The following DSG1 variants were observed in gnomAD, a reference collection of about 807,000 sequenced individuals.
DSG1 encodes the protein desmoglein-1.
DSG1 carries 39 observed loss-of-function variants against 97.5 expected under a neutral mutation model. The observed-to-expected ratio is 0.40, with a 90% CI of 0.31 to 0.52. The LOEUF is 0.52. Among genes scored for constraint, DSG1 ranks in the 20% least tolerant of loss-of-function variants. DSG1 has a pLI of 0.53. For synonymous variants in DSG1, 475 were observed against 443.4 expected (o/e 1.07, Z -0.90); for missense variants, 1,311 against 1,295.4 (o/e 1.01, Z -0.18).
chr18:31,329,359 A>G (rs964618216), intron 4 of DSG1, among the ~76,000 whole-genome samples: 1 of 151,940 alleles, frequency 6.6e-6, no homozygotes, highest in Admixed American at 6.6e-5. Flanking sequence ...ATAATAATCG[A>G]TATTTGCAGT....
chr18:31,334,349 C>A, intron 8 of DSG1, 147 bp downstream of exon 8: 1 of 573,988 alleles, frequency 1.7e-6, no homozygotes, highest in Non-Finnish European at 3.1e-6. Flanking sequence ...TAACATAGAG[C>A]TTTTTAATAT....
rs1260928614 is a variant in DSG1, at chr18:31,358,796, A to G, written c.*3450A>G. 6.6e-6 allele frequency among the ~76,000 whole-genome samples: 1 copy of G among 151,936 alleles called. No homozygotes were observed. The highest frequency in any genetic ancestry group is 1.5e-5 in the Non-Finnish European group (1 of 67,922). ...TACAATTTCTGGATTTTTAAGACCC[A>G]TTTCACATTGCACTAGGATACAGCA... On this transcript the variant is annotated 3_prime_UTR_variant, in exon 15 of 15. Transcript: ENST00000257192.
intron 14 of DSG1, among the ~76,000 whole-genome samples, chr18:31,350,386 A>T: frequency 1.8e-5 from 2 of 109,696 alleles, no homozygotes; most frequent in Admixed American, 1.0e-4. Flanking sequence ...TTTATTGAGG[A>T]TTTTTGCATC....
At chr18:31,340,058 C>A in intron 11 of DSG1, 33 bp downstream of exon 11, 1 of 1,598,896 alleles carries the variant, frequency 6.3e-7, no homozygotes, top group Non-Finnish European at 8.5e-7. Flanking sequence ...GTATATGTGT[C>A]CCCCAAAAAA....
chr18:31,322,589 AC>A (rs1303982405), intron 1 of DSG1, among the ~76,000 whole-genome samples: 7 of 152,208 alleles, frequency 4.6e-5, no homozygotes, highest in Non-Finnish European at 8.8e-5. Context: ...TCAGACTGAT[AC>A]CCTTTGTCAG....
chr18:31,343,572 C>T lies in DSG1; in HGVS notation c.1810C>T (p.Pro604Ser). ...TTCATGGGCAGTAGAAGGACCACAG[C>T]CTGAACCCAGGGTAAGTGCCACATT... ...IHSWAVEGPQPEPRDITTVIP... is the reference protein window; with the variant it reads ...IHSWAVEGPQSEPRDITTVIP... The change falls in exon 12 of 15, where the codon CCT becomes TCT. Residue 604 changes from proline to serine, a missense_variant. Physicochemically the swap from Pro to Ser is moderately conservative, Grantham distance 74 (BLOSUM62 -1). Around this residue, in one of 3 missense-constraint regions of DSG1, gnomAD observed 1,038 missense variants for 964.6 expected, o/e 1.08. Coordinates refer to ENST00000257192, the MANE Select transcript of DSG1 (RefSeq NM_001942.4). 6.2e-7 allele frequency: 1 copy of T among 1,614,074 alleles called. No homozygotes were observed. The highest frequency in any genetic ancestry group is 8.5e-7 in the Non-Finnish European group (1 of 1,180,006).
At chr18:31,326,054 CATT>C (rs749835428) in intron 1 of DSG1, among the ~76,000 whole-genome samples, 42 of 151,808 alleles carry the variant, frequency 2.8e-4, no homozygotes, top group African/African-American at 1.0e-3. Flanking sequence ...ATAATAAAAA[CATT>C]ATCTTTTTAT....
intron 14 of DSG1, among the ~76,000 whole-genome samples, chr18:31,352,342 G>A (rs1277856016): frequency 7.9e-6 from 1 of 126,398 alleles, no homozygotes; most frequent in Non-Finnish European, 1.8e-5. Flanking sequence ...GAGATCTGCT[G>A]TTAGTCTGAT....
Position 31,354,639 on chromosome 18 carries a change from C to A in DSG1, c.2443C>A (p.Pro815Thr), listed in dbSNP as rs778980591. 2 of 1,614,166 alleles carry A rather than the reference C, an allele frequency of 1.2e-6. No homozygotes were observed. The highest frequency in any genetic ancestry group is 1.1e-5 in the South Asian group (1 of 91,084). Residue 815 changes from proline (P) to threonine (T), a missense_variant, in exon 15 of 15, where the codon CCC becomes ACC. By Grantham distance (38) the Pro-to-Thr change is conservative. Coordinates refer to ENST00000257192, the MANE Select transcript of DSG1 (RefSeq NM_001942.4). ...TTTVISESTYPSGPGVLHPKP... is the reference protein window; with the variant it reads ...TTTVISESTYTSGPGVLHPKP... ...CACAGTAATTTCTGAGAGCACCTAT[C>A]CCTCGGGACCTGGTGTACTGCATCC...
chr18:31,331,886 G>A lies in DSG1; in HGVS notation c.684+19G>A, dbSNP rs141092277. The A allele has an allele frequency of 3.8e-3, 6,185 of 1,608,780 alleles. 26 individuals are homozygous for A. The highest frequency in any genetic ancestry group is 4.3e-3 in the Non-Finnish European group (5,046 of 1,177,070). The stretch of plus-strand genomic sequence containing the variant: ...CAGAGAGGTAATTCTTTTTCTTTAA[G>A]TGGGTTTTTGGTCTCAAAGGAACTG... On this transcript the variant is annotated intron_variant, in intron 6 of 14. Coordinates refer to ENST00000257192, the MANE Select transcript of DSG1 (RefSeq NM_001942.4).
chr18:31,322,187 T>A (rs979968946), intron 1 of DSG1, among the ~76,000 whole-genome samples: 2 of 152,190 alleles, frequency 1.3e-5, no homozygotes, highest in Admixed American at 6.5e-5. Context: ...AGACTGTAAG[T>A]TATTTGAAGG....
chr18:31,357,753 C>T lies in DSG1; in HGVS notation c.*2407C>T, dbSNP rs539043109. Among the ~76,000 whole-genome samples the T allele has an allele frequency of 6.6e-6, 1 of 152,082 alleles. No homozygotes were observed. Among genetic ancestry groups the T allele is most frequent in the South Asian group, 2.1e-4 (1 of 4,824 alleles). ...ATCTATCTTTCTAGGAAGATACTTT[C>T]TAACCAAACTTTTCTTCCAGGATTG... On this transcript the variant is annotated 3_prime_UTR_variant, in exon 15 of 15. Coordinates refer to ENST00000257192, the MANE Select transcript of DSG1 (RefSeq NM_001942.4).
Position 31,358,693 on chromosome 18 carries a change from T to A in DSG1, c.*3347T>A, listed in dbSNP as rs1197023200. 6.6e-6 allele frequency among the ~76,000 whole-genome samples: 1 copy of A among 152,086 alleles called. No individual in the cohort carries two copies. The highest frequency in any genetic ancestry group is 2.4e-5 in the African/African-American group (1 of 41,454). On this transcript the variant is annotated 3_prime_UTR_variant, in exon 15 of 15. Transcript: ENST00000257192. ...TGGCCATGACTATTTTGGAAAGACATTTAAGACCCAAAGCAAACTTTTAAA... is the reference window on the plus strand; with the variant it reads ...TGGCCATGACTATTTTGGAAAGACAATTAAGACCCAAAGCAAACTTTTAAA...
chr18:31,333,594 C>T lies in DSG1; in HGVS notation c.690C>T (p.Tyr230=), dbSNP rs781133396. ...TMNNFLDREQ[Y]GQYALAVRGS... is the part of the protein sequence containing the mutation. ...CCTGTAATATGTATTTTTAGCAATACGGCCAGTATGCTCTTGCTGTAAGAG... is the reference window on the plus strand; with the variant it reads ...CCTGTAATATGTATTTTTAGCAATATGGCCAGTATGCTCTTGCTGTAAGAG... The change falls in exon 7 of 15, where the codon TAC becomes TAT. Residue 230 remains tyrosine, a synonymous_variant. Coordinates refer to ENST00000257192, the MANE Select transcript of DSG1 (RefSeq NM_001942.4). 39 of 1,613,634 alleles carry T rather than the reference C, an allele frequency of 2.4e-5. No individual in the cohort carries two copies. Among genetic ancestry groups the T allele is most frequent in the South Asian group, 9.9e-5 (9 of 91,080 alleles).
At chr18:31,330,264 T>TA (rs1328854807) in intron 5 of DSG1, among the ~76,000 whole-genome samples, 1 of 152,138 alleles carries the variant, frequency 6.6e-6, no homozygotes, top group African/African-American at 2.4e-5. Flanking sequence ...GCCAGCCCTG[T>TA]AGAAGAGTCC....
Position 31,326,477 on chromosome 18 carries a change from C to T in DSG1, c.49-104C>T, listed in dbSNP as rs1371363170. 3.3e-6 allele frequency: 3 copies of T among 912,976 alleles called. No homozygotes were observed. The African/African-American group carries it at 5.0e-5, about 15-fold the overall frequency. The allele number at this position is 912,976 out of a possible 1,614,324, so 56.6% of individuals were successfully genotyped here. A position where few individuals can be genotyped will look rare whatever the true frequency, so the allele number is the denominator to read the frequency against. On this transcript the variant is annotated intron_variant, in intron 1 of 14. Coordinates refer to ENST00000257192, the MANE Select transcript of DSG1 (RefSeq NM_001942.4). ...TTGGCTGATAAAATAATTTTAATGACTCACAAGCCTATGGTTTCATGTTGT... is the reference window on the plus strand; with the variant it reads ...TTGGCTGATAAAATAATTTTAATGATTCACAAGCCTATGGTTTCATGTTGT...
In DSG1 at chr18:31,347,177, T is replaced by G. The variant is rs150686124; in HGVS notation, c.2100+979T>G. Among the ~76,000 whole-genome samples, 7 of 152,302 alleles carry G rather than the reference T, an allele frequency of 4.6e-5. No homozygotes were observed. The East Asian group carries it at 1.3e-3, about 29-fold the overall frequency. On this transcript the variant is annotated intron_variant, in intron 14 of 14. Coordinates refer to ENST00000257192, the MANE Select transcript of DSG1 (RefSeq NM_001942.4). The stretch of plus-strand genomic sequence containing the variant: ...GAGTGGCTGATATTTTTAAATAAAA[T>G]ATTGGTAAAAGCATTCAAATAGCAA...
intron 11 of DSG1, among the ~76,000 whole-genome samples, chr18:31,340,288 A>G (rs1481112604): frequency 5.9e-5 from 9 of 151,852 alleles, no homozygotes. Context: ...TCAAATTGCT[A>G]TTTCAGTGAA....
In DSG1 at chr18:31,328,159, C is replaced by T. The variant is rs1405538386; in HGVS notation, c.217-30C>T. 12 of 1,612,094 alleles carry T rather than the reference C, an allele frequency of 7.4e-6. No individual in the cohort carries two copies. The South Asian group carries it at 9.9e-5, about 13-fold the overall frequency. ...AAATATAGAACTCTATTTGCTCCCT[C>T]TAATATTTTTACTTGTGTTCCTTCT... is the stretch of plus-strand genomic sequence containing the variant. On this transcript the variant is annotated intron_variant, in intron 3 of 14. Coordinates refer to ENST00000257192, the MANE Select transcript of DSG1 (RefSeq NM_001942.4).
Sources: allele counts gnomAD v4.1 joint callset (sites outside exome capture counted in the v4.1 genomes callset), GRCh38; gene constraint gnomAD v4.1.1; regional missense constraint gnomAD v4.1.1; transcripts MANE v1.5; gene names NCBI Gene and HGNC (gene_info 2026-07-23, HGNC 2026-07-21).